The following EVL variants were observed in gnomAD, a reference collection of about 807,000 sequenced individuals.
EVL encodes the protein ena/VASP-like protein.
In EVL, 21 loss-of-function variants were observed where a neutral mutation model predicts 59.6. The observed-to-expected ratio is 0.35, with a 90% CI of 0.25 to 0.51. The LOEUF is 0.51. Ranked by LOEUF, EVL falls within the 20% of genes least tolerant of loss-of-function variation. The probability of loss-of-function intolerance (pLI) is 0.97; values close to 1 mark genes in which losing one functional copy is unlikely to be tolerated. For missense variants in EVL, 462 were observed against 546.6 expected, an observed-to-expected ratio of 0.85 and a Z score of 1.54; for synonymous variants, 198 against 203.5, an observed-to-expected ratio of 0.97 and a Z score of 0.23.
chr14:100,028,135 T>G (rs2061247364), intron 1 of EVL, among the ~76,000 whole-genome samples: 2 of 71,084 alleles, frequency 2.8e-5, no homozygotes, highest in South Asian at 6.2e-4. Context: ...TGTTTGTTTG[T>G]TTTTTTTTTT....
chr14:100,095,606 A>G (rs1036453881), intron 2 of EVL, among the ~76,000 whole-genome samples: 1 of 152,110 alleles, frequency 6.6e-6, no homozygotes. Flanking sequence ...GTGAATCTAT[A>G]CCCCTGGCAC....
intron 1 of EVL, among the ~76,000 whole-genome samples, chr14:100,027,964 C>T (rs774531686): frequency 1.2e-4 from 19 of 152,166 alleles, no homozygotes; most frequent in Middle Eastern, 3.2e-3. Context: ...CATGAGCCAC[C>T]GCACCCAGAC....
chr14:100,029,299 A>G (rs2061271502), intron 1 of EVL, among the ~76,000 whole-genome samples: 4 of 152,194 alleles, frequency 2.6e-5, no homozygotes, highest in Non-Finnish European at 5.9e-5. Context: ...GTAGTTGCAA[A>G]CATATCCTCA....
intron 1 of EVL, among the ~76,000 whole-genome samples, chr14:100,023,638 A>T (rs7148827): frequency 0.36 from 54,150 of 149,712 alleles, 13,516 homozygotes; most frequent in African/African-American, 0.71. Context: ...AATTTTTGTA[A>T]TTTTGTAGAG....
At chr14:100,024,931 A>G (rs564942953) in intron 1 of EVL, among the ~76,000 whole-genome samples, 54 of 151,818 alleles carry the variant, frequency 3.6e-4, no homozygotes, top group African/African-American at 1.2e-3. Flanking sequence ...TACTCTCCAC[A>G]TCTCGTCTCT....
exon 1 of EVL, chr14:99,971,742 C>CA (rs2060733580): frequency 2.1e-5 from 3 of 143,364 alleles, no homozygotes; most frequent in African/African-American, 7.6e-5. Context: ...TCGCCCCCCG[C>CA]CCCCCCATCC....
intron 1 of EVL, among the ~76,000 whole-genome samples, chr14:100,003,805 T>C (rs1216718662): frequency 6.6e-6 from 1 of 152,212 alleles, no homozygotes; most frequent in African/African-American, 2.4e-5. Flanking sequence ...AGGAATTATT[T>C]TGATAAAATG....
At chr14:100,126,832 C>A (rs980149686) in intron 5 of EVL, 61 bp downstream of exon 5, 1 of 1,550,846 alleles carries the variant, frequency 6.4e-7, no homozygotes, top group East Asian at 2.3e-5. Context: ...AGCCCCTCCA[C>A]GTAGATGAGG....
chr14:99,973,441 T>A (rs929991900), intron 1 of EVL, among the ~76,000 whole-genome samples: 3 of 152,242 alleles, frequency 2.0e-5, no homozygotes, highest in Admixed American at 2.0e-4. Flanking sequence ...TGTTCAGATA[T>A]CTTGCCCACA....
At chr14:100,015,321 T>C (rs2061042073) in intron 1 of EVL, among the ~76,000 whole-genome samples, 1 of 152,212 alleles carries the variant, frequency 6.6e-6, no homozygotes, top group Non-Finnish European at 1.5e-5. Context: ...AGGACACTTG[T>C]TTAAAATATT....
chr14:100,007,653 AGT>A (rs1481222800), intron 1 of EVL, among the ~76,000 whole-genome samples: 1 of 152,234 alleles, frequency 6.6e-6, no homozygotes, highest in Non-Finnish European at 1.5e-5. Flanking sequence ...AAAGACTCAA[AGT>A]GTGTCGGCTT....
chr14:100,018,463 T>C (rs569602155), intron 1 of EVL, among the ~76,000 whole-genome samples: 1 of 152,274 alleles, frequency 6.6e-6, no homozygotes, highest in East Asian at 1.9e-4. Flanking sequence ...TCTTGAGCTG[T>C]GAGGAGTTAG....
At chr14:100,002,256 C>G (rs1189468769) in intron 1 of EVL, among the ~76,000 whole-genome samples, 1 of 152,126 alleles carries the variant, frequency 6.6e-6, no homozygotes. Context: ...CCAAAGTTAT[C>G]AGAAACCTGC....
At chr14:100,111,564 A>T (rs1339390276) in intron 3 of EVL, among the ~76,000 whole-genome samples, 1 of 152,138 alleles carries the variant, frequency 6.6e-6, no homozygotes, top group Non-Finnish European at 1.5e-5. Flanking sequence ...GGCACAGTGA[A>T]TGCAAGTTGT....
chr14:100,097,730 GCT>G, intron 3 of EVL, 72 bp downstream of exon 3: 1 of 1,433,756 alleles, frequency 7.0e-7, no homozygotes, highest in African/African-American at 1.4e-5. Flanking sequence ...CACAGCTCTG[GCT>G]CTCCGGGTAT....
intron 1 of EVL, among the ~76,000 whole-genome samples, chr14:99,979,598 G>A (rs930087225): frequency 2.0e-5 from 3 of 151,958 alleles, no homozygotes; most frequent in East Asian, 1.9e-4. Context: ...GGCTGGGTGC[G>A]GTGGCTCACG....
At chr14:100,060,423 T>C (rs1247570120), upstream of EVL, among the ~76,000 whole-genome samples, 1 of 127,822 alleles carries the variant, frequency 7.8e-6, no homozygotes, top group Admixed American at 8.5e-5. Flanking sequence ...AGAGCGAGAC[T>C]CCGTCTCAAA....
At chr14:100,107,432 A>C in intron 3 of EVL, 1 of 397,668 alleles carries the variant, frequency 2.5e-6, no homozygotes, top group Non-Finnish European at 4.4e-6. Context: ...GACTGGGTTT[A>C]CATTTACAGA....
chr14:100,011,016 TAAGCA>T (rs1387416112), intron 1 of EVL, among the ~76,000 whole-genome samples: 2 of 152,228 alleles, frequency 1.3e-5, no homozygotes, highest in East Asian at 3.8e-4. Flanking sequence ...CTAAGAAAAC[TAAGCA>T]ATTATTTATG....
Sources: allele counts gnomAD v4.1 joint callset (sites outside exome capture counted in the v4.1 genomes callset), GRCh38; gene constraint gnomAD v4.1.1; transcripts MANE v1.5; gene names NCBI Gene and HGNC (gene_info 2026-07-23, HGNC 2026-07-21).